Variants in CSPG4 observed in about 807,000 individuals in gnomAD.
CSPG4 encodes chondroitin sulfate proteoglycan 4 (melanoma-associated).
In CSPG4, 74 loss-of-function variants were observed where a neutral mutation model predicts 139.3. The ratio of observed to expected loss-of-function variants is 0.53; its 90% CI spans 0.44 to 0.64. The LOEUF (loss-of-function observed/expected upper bound fraction) is 0.64, where lower values mean the gene tolerates loss of function less well. Ranked by LOEUF, CSPG4 falls within the 30% of genes least tolerant of loss-of-function variation. The pLI, the probability that CSPG4 is intolerant of heterozygous loss-of-function variation, is 0.00. For missense variants in CSPG4, 2,565 were observed against 3,148.3 expected (o/e 0.81, Z 4.43); for synonymous variants, 1,234 against 1,394.2 (o/e 0.89, Z 2.56).
intron 1 of CSPG4, among the ~76,000 whole-genome samples, chr15:75,710,393 C>G (rs372696139): frequency 1.5e-4 from 23 of 152,300 alleles, no homozygotes; most frequent in East Asian, 9.7e-4. Context: ...TCAGAAGGAG[C>G]TGGACACCGC....
chr15:75,688,255 A>G lies in CSPG4; in HGVS notation c.2810T>C (p.Met937Thr), dbSNP rs1894094861. ...CAACCTCCCATGGCGGGGCCGCTCC[A>G]TGACCTCATAGAGGTAGCTGGCACT... ...LNSASYLYEVMERPRHGRLAW... is the reference protein window; with the variant it reads ...LNSASYLYEVTERPRHGRLAW... Residue 937 changes from methionine to threonine, a missense_variant, in exon 3 of 10, where the codon ATG becomes ACG. Physicochemically the swap from Met to Thr is moderately conservative, Grantham distance 81. Coordinates refer to ENST00000308508, the MANE Select transcript of CSPG4 (RefSeq NM_001897.5). The G allele has an allele frequency of 4.3e-6, 7 of 1,612,890 alleles. No homozygotes were observed. The African/African-American group carries it at 9.3e-5, about 22-fold the overall frequency.
upstream of CSPG4, chr15:75,712,851 G>GCCGGCT: frequency 1.8e-6 from 2 of 1,094,892 alleles, no homozygotes; most frequent in Non-Finnish European, 2.5e-6. Flanking sequence ...CTGGGCGCGG[G>GCCGGCT]CCGGCTCCGG....
intron 1 of CSPG4, among the ~76,000 whole-genome samples, chr15:75,694,366 A>G (rs1318702615): frequency 6.6e-6 from 1 of 152,262 alleles, no homozygotes; most frequent in Non-Finnish European, 1.5e-5. Flanking sequence ...TTGTGGTGAT[A>G]AGAGCCAAAT....
At chr15:75,701,538 T>C (rs1279908095) in intron 1 of CSPG4, among the ~76,000 whole-genome samples, 1 of 152,136 alleles carries the variant, frequency 6.6e-6, no homozygotes, top group East Asian at 1.9e-4. Flanking sequence ...AATAGGTTCC[T>C]GCCTAGCACC....
In CSPG4 at chr15:75,688,012, G is replaced by T. The variant is rs1235501669; in HGVS notation, c.3053C>A (p.Ala1018Asp). 1.5e-5 allele frequency: 24 copies of T among 1,611,966 alleles called. No homozygotes were observed. Among genetic ancestry groups the T allele is most frequent in the Non-Finnish European group, 1.9e-5 (22 of 1,179,464 alleles). Residue 1018 changes from alanine to aspartate, a missense_variant, in exon 3 of 10, where the codon GCC (alanine) becomes GAC (aspartate). Coordinates refer to ENST00000308508, the MANE Select transcript of CSPG4 (RefSeq NM_001897.5). ...RVAIQPVNDH[A>D]PVQTISRIFH... is the part of the protein sequence containing the mutation. The stretch of plus-strand genomic sequence containing the variant: ...GATCCGGCTGATGGTCTGCACAGGG[G>T]CGTGGTCATTCACGGGCTGGATGGC...
At position 75,675,739 on chromosome 15, in the gene CSPG4, C is replaced by T. The variant is rs766994775; in HGVS notation, c.6780G>A (p.Leu2260=). 15 of 1,603,844 alleles carry T rather than the reference C, an allele frequency of 9.4e-6. No homozygotes were observed. The South Asian group carries it at 1.7e-4, about 18-fold the overall frequency. The change falls in exon 10 of 10, where the codon CTG becomes CTA. Residue 2260 remains leucine (L), a synonymous_variant. Coordinates refer to ENST00000308508, the MANE Select transcript of CSPG4 (RefSeq NM_001897.5). The part of the protein sequence containing the change: ...NKTGKHDVQV[L]TAKPRNGLAG... Reference sequence around the variant, plus strand: ...CCAGGCCGTTGCGGGGCTTGGCAGTCAGGACCTGGACGTCATGCTTGCCCG... The same window carrying T: ...CCAGGCCGTTGCGGGGCTTGGCAGTTAGGACCTGGACGTCATGCTTGCCCG...
At position 75,712,822 on chromosome 15, in the gene CSPG4, AGCGAGCGCG is replaced by A; in HGVS notation, c.-76_-68del. The A allele has an allele frequency of 7.3e-7, 1 of 1,378,496 alleles. No homozygotes were observed. The highest frequency in any genetic ancestry group is 9.7e-7 in the Non-Finnish European group (1 of 1,032,448). 85.4% of individuals were successfully genotyped at this position (1,378,496 alleles called of 1,614,324 possible). A position where few individuals can be genotyped will look rare whatever the true frequency, so the allele number is the denominator to read the frequency against. ...GTCCTGGGAGCTGGGAGCTGAGTGG[AGCGAGCGCG>A]GCTCTGCTCCTGGGCGCGGGCCGGC... On this transcript the variant is annotated 5_prime_UTR_variant, in exon 1 of 10. Coordinates refer to ENST00000308508, the MANE Select transcript of CSPG4 (RefSeq NM_001897.5).
chr15:75,690,679 A>C lies in CSPG4; in HGVS notation c.386T>G (p.Leu129Arg). 6.2e-7 allele frequency: 1 copy of C among 1,612,900 alleles called. No homozygotes were observed. Among genetic ancestry groups the C allele is most frequent in the Non-Finnish European group, 8.5e-7 (1 of 1,180,030 alleles). The change falls in exon 3 of 10, where the codon CTG becomes CGG. Residue 129 changes from leucine to arginine, a missense_variant. Transcript: ENST00000308508. ...GWATLSVDGF[L>R]NASSAVPGAP... ...TCCTGGGACTGCTGAGGAGGCGTTC[A>C]GAAACCCATCGACTGACAACGTGGC...
intron 1 of CSPG4, among the ~76,000 whole-genome samples, chr15:75,697,961 G>C (rs1894249344): frequency 6.6e-6 from 1 of 152,212 alleles, no homozygotes; most frequent in Non-Finnish European, 1.5e-5. Context: ...GAGAAATCAA[G>C]ATGCCCTCCT....
upstream of CSPG4, chr15:75,712,867 C>A: frequency 3.4e-6 from 3 of 888,004 alleles, no homozygotes; most frequent in Non-Finnish European, 4.8e-6. Flanking sequence ...TCCGGGTGTC[C>A]GCGCACTTAA....
Position 75,687,799 on chromosome 15 carries a change from C to G in CSPG4, c.3266G>C (p.Arg1089Thr). 6.2e-7 allele frequency: 1 copy of G among 1,612,916 alleles called. No individual in the cohort carries two copies. Among genetic ancestry groups the G allele is most frequent in the Non-Finnish European group, 8.5e-7 (1 of 1,180,014 alleles). Residue 1089 changes from arginine (R) to threonine (T), a missense_variant, in exon 3 of 10, where the codon AGG becomes ACG. By Grantham distance (71) the Arg-to-Thr change is moderately conservative (BLOSUM62 -1). This residue lies in a region of CSPG4 where 2,316 missense variants were observed against 2,818.2 expected (regional missense o/e 0.82). Transcript: ENST00000308508. The surrounding 1 kb of genome is among the most constrained non-coding windows in gnomAD (Gnocchi z 5.4). ...CCCTGAGTGCACGAACAGTACTCGC[C>G]TCTTCCTGAGGTCCTCCTGGGTGAA... ...YRFTQEDLRK[R>T]RVLFVHSGAD...
chr15:75,712,832 G>A lies in CSPG4; in HGVS notation c.-77C>T, dbSNP rs937950472. 3 of 1,292,628 alleles carry A rather than the reference G, an allele frequency of 2.3e-6. No homozygotes were observed. Among genetic ancestry groups the A allele is most frequent in the African/African-American group, 1.6e-5 (1 of 64,216 alleles). 80.1% of individuals were successfully genotyped at this position (1,292,628 alleles called of 1,614,324 possible). On this transcript the variant is annotated 5_prime_UTR_variant, in exon 1 of 10. Coordinates refer to ENST00000308508, the MANE Select transcript of CSPG4 (RefSeq NM_001897.5). The stretch of plus-strand genomic sequence containing the variant: ...CTGGGAGCTGAGTGGAGCGAGCGCG[G>A]CTCTGCTCCTGGGCGCGGGCCGGCT...
Position 75,689,772 on chromosome 15 carries a change from C to T in CSPG4, c.1293G>A (p.Leu431=). The change falls in exon 3 of 10, where the codon CTG becomes CTA. Residue 431 remains leucine, a synonymous_variant. Coordinates refer to ENST00000308508, the MANE Select transcript of CSPG4 (RefSeq NM_001897.5). ...LPPVFANFTQ[L]LTISPLVVAE... ...CCACCACCAGTGGGCTGATAGTCAG[C>T]AGCTGGGTGAAATTGGCAAAGACAG... 3.1e-6 allele frequency: 5 copies of T among 1,612,556 alleles called. No homozygotes were observed. Among genetic ancestry groups the T allele is most frequent in the Non-Finnish European group, 4.2e-6 (5 of 1,179,606 alleles).
intron 1 of CSPG4, among the ~76,000 whole-genome samples, chr15:75,695,039 T>G (rs1894208613): frequency 6.6e-6 from 1 of 151,944 alleles, no homozygotes; most frequent in Non-Finnish European, 1.5e-5. Flanking sequence ...TTTCAGGAAT[T>G]TTGAGAGCCA....
At chr15:75,708,665 C>T (rs1296538923) in intron 1 of CSPG4, among the ~76,000 whole-genome samples, 7 of 152,230 alleles carry the variant, frequency 4.6e-5, no homozygotes, top group Non-Finnish European at 1.5e-5. Flanking sequence ...ACACCACGGC[C>T]TGTGTGCCCA....
rs140465626 is a variant in CSPG4, at chr15:75,676,811, C to T, written c.5708G>A (p.Arg1903Gln). 9.3e-5 allele frequency: 144 copies of T among 1,544,202 alleles called. 1 individual carries two copies. In the Admixed American group the frequency reaches 1.1e-3, roughly 12 times the overall value. Residue 1903 changes from arginine (R) to glutamine (Q), a missense_variant, in exon 10 of 10, where the codon CGG (arginine) becomes CAG (glutamine). This residue lies in a region of CSPG4 where 2,316 missense variants were observed against 2,818.2 expected (regional missense o/e 0.82). Coordinates refer to ENST00000308508, the MANE Select transcript of CSPG4 (RefSeq NM_001897.5). ...GCTCCCGTTGGCCACGAAGGCCAGC[C>T]GCCCTGAATCCACATCGGCTTGCGT... ...RFTQADVDSG[R>Q]LAFVANGSSV...
Position 75,676,585 on chromosome 15 carries a change from T to C in CSPG4, c.5934A>G (p.Ala1978=). Residue 1978 remains alanine (A), a synonymous_variant, in exon 10 of 10, where the codon GCA becomes GCG. Transcript: ENST00000308508. The part of the protein sequence containing the change: ...VVSDREEPEA[A]YRLIQGPQYG... ...ACTGGGGTCCCTGGATGAGGCGGTA[T>C]GCTGCCTCTGGCTCCTCCCGATCTG... The C allele has an allele frequency of 6.2e-7, 1 of 1,613,030 alleles. No individual in the cohort carries two copies. Among genetic ancestry groups the C allele is most frequent in the Non-Finnish European group, 8.5e-7 (1 of 1,179,852 alleles).
At chr15:75,705,924 T>C (rs1052976353) in intron 1 of CSPG4, among the ~76,000 whole-genome samples, 2 of 152,122 alleles carry the variant, frequency 1.3e-5, no homozygotes, top group African/African-American at 4.8e-5. Context: ...TGTGTGCGTA[T>C]GTGTGTCTGT....
In CSPG4 at chr15:75,676,281, C is replaced by T. The variant is rs1223814736; in HGVS notation, c.6238G>A (p.Val2080Met). 1 of 1,590,708 alleles carries T rather than the reference C, an allele frequency of 6.3e-7. No individual in the cohort carries two copies. The highest frequency in any genetic ancestry group is 1.3e-5 in the African/African-American group (1 of 74,674). The change falls in exon 10 of 10, where the codon GTG becomes ATG. Residue 2080 changes from valine (V) to methionine (M), a missense_variant. Val to Met is a conservative substitution (Grantham distance 21). Transcript: ENST00000308508. ...CCCTCCAGGAGGCGGAAGCGCGGCA[C>T]ACTGCCTGTGCGGTTGGCCAGCTCG... The part of the protein sequence containing the change: ...AGELANRTGS[V>M]PRFRLLEGPR...
Sources: allele counts gnomAD v4.1 joint callset (sites outside exome capture counted in the v4.1 genomes callset), GRCh38; gene constraint gnomAD v4.1.1; regional missense constraint gnomAD v4.1.1; non-coding constraint Gnocchi (gnomAD v3.1); transcripts MANE v1.5; gene names NCBI Gene and HGNC (gene_info 2026-07-23, HGNC 2026-07-21).